The following PLSCR1 variants were observed in gnomAD, a reference collection of about 807,000 sequenced individuals.
PLSCR1 encodes the protein PL scramblase 1.
PLSCR1 carries 17 observed loss-of-function variants against 37.8 expected under a neutral mutation model. The ratio of observed to expected loss-of-function variants is 0.45; its 90% CI spans 0.31 to 0.68. The LOEUF is 0.68. Among genes scored for constraint, PLSCR1 ranks in the 30% least tolerant of loss-of-function variants. The pLI is 0.06. For missense variants in PLSCR1, 347 were observed against 380.9 expected, an observed-to-expected ratio of 0.91 and a Z score of 0.74; for synonymous variants, 116 against 125.9, an observed-to-expected ratio of 0.92 and a Z score of 0.53.
At chr3:146,523,123 G>A (rs1017453287) in intron 5 of PLSCR1, among the ~76,000 whole-genome samples, 1 of 152,116 alleles carries the variant, frequency 6.6e-6, no homozygotes, top group Non-Finnish European at 1.5e-5. Context: ...AGTCCCCTGG[G>A]CCCATTTTTC....
At chr3:146,517,246 A>G in intron 7 of PLSCR1, 79 bp from the exon 8 acceptor site, 1 of 756,412 alleles carries the variant, frequency 1.3e-6, no homozygotes, top group East Asian at 3.0e-5. Flanking sequence ...GTAAGATGAA[A>G]CAAATATGGT....
In PLSCR1 at chr3:146,528,743, A is replaced by G; in HGVS notation, c.183T>C (p.Phe61=). 1 of 1,614,210 alleles carries G rather than the reference A, an allele frequency of 6.2e-7. No individual in the cohort carries two copies. The highest frequency in any genetic ancestry group is 8.5e-7 in the Non-Finnish European group (1 of 1,180,020). The change falls in exon 4 of 9, where the codon TTT becomes TTC. Residue 61 remains phenylalanine (F), a synonymous_variant. Transcript: ENST00000342435. ...AGHSGPGPAG[F]PVPNQPVYNQ... ...TATACACTGGCTGATTTGGGACAGGAAAGCCAGCTGGGCCAGGACCTGAAT... is the reference window on the plus strand; with the variant it reads ...TATACACTGGCTGATTTGGGACAGGGAAGCCAGCTGGGCCAGGACCTGAAT...
At chr3:146,522,876 T>C (rs1013713212) in intron 5 of PLSCR1, among the ~76,000 whole-genome samples, 3 of 152,234 alleles carry the variant, frequency 2.0e-5, no homozygotes, top group Non-Finnish European at 2.9e-5. Flanking sequence ...GCAGCAATAC[T>C]GCTCTTTAAG....
At chr3:146,541,466 A>C (rs1394330652) in intron 1 of PLSCR1, among the ~76,000 whole-genome samples, 1 of 152,224 alleles carries the variant, frequency 6.6e-6, no homozygotes, top group African/African-American at 2.4e-5. Flanking sequence ...TGGTGAAACT[A>C]AACCCATAGA....
chr3:146,532,661 T>A (rs2044214960), intron 3 of PLSCR1, among the ~76,000 whole-genome samples: 1 of 152,240 alleles, frequency 6.6e-6, no homozygotes, highest in South Asian at 2.1e-4. Context: ...GGGTACATCC[T>A]TCTATCCAAA....
At chr3:146,533,827 G>C (rs1026196402) in intron 2 of PLSCR1, among the ~76,000 whole-genome samples, 3 of 152,096 alleles carry the variant, frequency 2.0e-5, no homozygotes, top group African/African-American at 7.2e-5. Flanking sequence ...TGAATGTTCA[G>C]TTCCATGTTT....
chr3:146,530,532 C>T (rs531518153), intron 3 of PLSCR1, among the ~76,000 whole-genome samples: 2 of 151,960 alleles, frequency 1.3e-5, no homozygotes, highest in East Asian at 1.9e-4. Flanking sequence ...TGTATGCGAG[C>T]GAGGGCAGGG....
chr3:146,521,436 T>G (rs1284509102), intron 7 of PLSCR1, 108 bp downstream of exon 7: 3 of 914,496 alleles, frequency 3.3e-6, no homozygotes, highest in Non-Finnish European at 5.1e-6. Flanking sequence ...ATCTTGCTAT[T>G]GAGACATTGG....
intron 7 of PLSCR1, among the ~76,000 whole-genome samples, chr3:146,517,599 C>A (rs1441211688): frequency 6.6e-6 from 1 of 152,104 alleles, no homozygotes; most frequent in Admixed American, 6.6e-5. Context: ...GATGAAAAGG[C>A]TTATTACTAC....
chr3:146,532,763 C>T (rs2044216508), intron 3 of PLSCR1, among the ~76,000 whole-genome samples: 2 of 152,088 alleles, frequency 1.3e-5, no homozygotes, highest in African/African-American at 4.8e-5. Context: ...ATGGACTTTG[C>T]TATTTTTAAA....
At chr3:146,526,021 A>C (rs2044104088) in intron 4 of PLSCR1, among the ~76,000 whole-genome samples, 2 of 151,484 alleles carry the variant, frequency 1.3e-5, no homozygotes. Context: ...GTCTCTACTA[A>C]AAATACAAAA....
intron 3 of PLSCR1, among the ~76,000 whole-genome samples, chr3:146,529,301 TG>T (rs2044163541): frequency 2.0e-5 from 3 of 152,160 alleles, no homozygotes; most frequent in Non-Finnish European, 4.4e-5. Flanking sequence ...GGGGTAGTTT[TG>T]CCCCCTCTCT....
chr3:146,518,066 A>G (rs561881356), intron 7 of PLSCR1, among the ~76,000 whole-genome samples: 1 of 152,354 alleles, frequency 6.6e-6, no homozygotes, highest in South Asian at 2.1e-4. Flanking sequence ...ATCTAATATG[A>G]AGCTGATAGC....
chr3:146,538,685 G>A lies in PLSCR1; in HGVS notation c.-13-2120C>T, dbSNP rs75298712. On this transcript the variant is annotated intron_variant, in intron 1 of 8. Coordinates refer to ENST00000342435, the MANE Select transcript of PLSCR1 (RefSeq NM_021105.3). Reference sequence around the variant, plus strand: ...AGGGCAAATCCTAAATAAAATGTAAGAGAAGAAACTTAGGCAAGTTTTTAT... The same window carrying A: ...AGGGCAAATCCTAAATAAAATGTAAAAGAAGAAACTTAGGCAAGTTTTTAT... 1.0e-2 allele frequency among the ~76,000 whole-genome samples: 1,517 copies of A among 152,082 alleles called. 19 individuals are homozygous for A. The highest frequency in any genetic ancestry group is 0.035 in the African/African-American group (1,455 of 41,500).
In PLSCR1 at chr3:146,521,821, T is replaced by C. The variant is rs1010023242; in HGVS notation, c.576+12A>G. ...ACTATTTTACAAAGTGCCCTGGTAA[T>C]TGATCACAGACCTCCTGAAGGCAGC... On this transcript the variant is annotated intron_variant, in intron 6 of 8. Transcript: ENST00000342435. 6.2e-7 allele frequency: 1 copy of C among 1,604,630 alleles called. No individual in the cohort carries two copies. Among genetic ancestry groups the C allele is most frequent in the African/African-American group, 1.3e-5 (1 of 74,646 alleles).
At position 146,515,678 on chromosome 3, in the gene PLSCR1, A is replaced by T. The variant is rs1576776649; in HGVS notation, c.*367T>A. 1.9e-5 allele frequency: 3 copies of T among 159,882 alleles called. No individual in the cohort carries two copies. In the Admixed American group the frequency reaches 1.9e-4, roughly 10 times the overall value. 9.9% of individuals were successfully genotyped at this position (159,882 alleles called of 1,614,324 possible). ...AAAATAACATTAGCTCTTATGCATG[A>T]AATAAATTGTAACTAGATTTAATAG... is the stretch of plus-strand genomic sequence containing the variant. On this transcript the variant is annotated 3_prime_UTR_variant, in exon 9 of 9. Transcript: ENST00000342435.
Position 146,525,634 on chromosome 3 carries a change from A to G in PLSCR1, c.326T>C (p.Leu109Pro). 1.3e-6 allele frequency: 2 copies of G among 1,511,354 alleles called. No homozygotes were observed. The highest frequency in any genetic ancestry group is 1.1e-5 in the South Asian group (1 of 87,968). 93.6% of individuals were successfully genotyped at this position (1,511,354 alleles called of 1,614,324 possible). A position where few individuals can be genotyped will look rare whatever the true frequency, so the allele number is the denominator to read the frequency against. ...CAGAAGTTCAATTTGCTGATGAATC[A>G]GTATCTGATCTATCTATAGCAGGAA... The part of the protein sequence containing the change: ...LEYLSQIDQI[L>P]IHQQIELLEV... Residue 109 changes from leucine (L) to proline (P), a missense_variant, in exon 5 of 9, where the codon CTG (leucine) becomes CCG (proline). Coordinates refer to ENST00000342435, the MANE Select transcript of PLSCR1 (RefSeq NM_021105.3).
intron 1 of PLSCR1, among the ~76,000 whole-genome samples, chr3:146,544,213 C>T (rs2044374796): frequency 6.6e-6 from 1 of 152,210 alleles, no homozygotes; most frequent in African/African-American, 2.4e-5. Context: ...CCGGGTGCCG[C>T]TGGGCCGCCT....
At chr3:146,537,247 A>G (rs1163760760) in intron 1 of PLSCR1, among the ~76,000 whole-genome samples, 1 of 152,058 alleles carries the variant, frequency 6.6e-6, no homozygotes, top group African/African-American at 2.4e-5. Flanking sequence ...CATTCTACTC[A>G]ATATTTCTGC....
Sources: gnomAD v4.1 joint callset for allele counts (sites outside exome capture counted in the v4.1 genomes callset) on GRCh38, gnomAD v4.1.1 for gene constraint, MANE v1.5 for transcripts, NCBI Gene and HGNC (gene_info 2026-07-23, HGNC 2026-07-21) for gene names.